Variants in BTBD9 observed in about 807,000 individuals in gnomAD.
BTBD9 encodes BTB/POZ domain-containing protein 9.
A neutral mutation model predicts 64.3 loss-of-function variants in BTBD9; 49 were observed. The observed-to-expected ratio is 0.76, with a 90% CI of 0.61 to 0.97. BTBD9 has a LOEUF of 0.97. Ranked by LOEUF, BTBD9 falls within the 50% of genes least tolerant of loss-of-function variation. The pLI, the probability that BTBD9 is intolerant of heterozygous loss-of-function variation, is 0.00. For missense variants in BTBD9, 598 were observed against 762.1 expected (o/e 0.78, Z 2.53); for synonymous variants, 260 against 274.7 (o/e 0.95, Z 0.53).
At chr6:38,335,844 C>T (rs1289595742) in intron 7 of BTBD9, among the ~76,000 whole-genome samples, 4 of 152,184 alleles carry the variant, frequency 2.6e-5, no homozygotes, top group Non-Finnish European at 5.9e-5. Context: ...AGCGATTCTC[C>T]TGCCTTAGCC....
intron 6 of BTBD9, among the ~76,000 whole-genome samples, chr6:38,513,668 G>T (rs895868585): frequency 6.6e-5 from 10 of 151,950 alleles, no homozygotes; most frequent in African/African-American, 2.4e-4. Flanking sequence ...ATCATTTATA[G>T]CTATTTTCAC....
At chr6:38,286,964 C>A (rs1761751957) in intron 8 of BTBD9, among the ~76,000 whole-genome samples, 1 of 150,744 alleles carries the variant, frequency 6.6e-6, no homozygotes, top group South Asian at 2.1e-4. Flanking sequence ...TGCCTATAAT[C>A]CCAGCTACTT....
chr6:38,315,794 G>T (rs1032288961), intron 7 of BTBD9, among the ~76,000 whole-genome samples: 3 of 152,166 alleles, frequency 2.0e-5, no homozygotes, highest in Non-Finnish European at 4.4e-5. Context: ...GCAGCTGTTG[G>T]ATGAAATGTT....
chr6:38,525,460 T>C (rs984569323), intron 6 of BTBD9, among the ~76,000 whole-genome samples: 1 of 152,188 alleles, frequency 6.6e-6, no homozygotes, highest in Non-Finnish European at 1.5e-5. Flanking sequence ...GGTAGTGGTG[T>C]ACTGCTATAA....
intron 9 of BTBD9, among the ~76,000 whole-genome samples, chr6:38,207,510 C>A (rs901097951): frequency 6.6e-6 from 1 of 152,114 alleles, no homozygotes; most frequent in Non-Finnish European, 1.5e-5. Context: ...GTAGTCTCAG[C>A]TACTTGGAAG....
intron 6 of BTBD9, 81 bp downstream of exon 6, chr6:38,577,519 T>C (rs1776099748): frequency 1.4e-6 from 2 of 1,389,412 alleles, no homozygotes; most frequent in Non-Finnish European, 2.0e-6. Context: ...TTTTTCAAGA[T>C]GAAAAATGCA....
At chr6:38,496,477 T>C (rs1771960279) in intron 6 of BTBD9, among the ~76,000 whole-genome samples, 1 of 150,252 alleles carries the variant, frequency 6.7e-6, no homozygotes, top group African/African-American at 2.5e-5. Context: ...ACTCTGTCAC[T>C]ACAAAAAAAA....
At chr6:38,477,854 T>C (rs1448063451) in intron 6 of BTBD9, among the ~76,000 whole-genome samples, 1 of 152,206 alleles carries the variant, frequency 6.6e-6, no homozygotes, top group Non-Finnish European at 1.5e-5. Flanking sequence ...ACACATCAAG[T>C]AAAGCCATCA....
At chr6:38,548,618 T>A (rs1774661758) in intron 6 of BTBD9, among the ~76,000 whole-genome samples, 1 of 152,168 alleles carries the variant, frequency 6.6e-6, no homozygotes, top group Non-Finnish European at 1.5e-5. Context: ...AACTCACGCA[T>A]TAATCTTTCC....
chr6:38,395,298 T>C (rs994741034), intron 6 of BTBD9, among the ~76,000 whole-genome samples: 9 of 152,088 alleles, frequency 5.9e-5, no homozygotes, highest in Non-Finnish European at 1.0e-4. Flanking sequence ...TAACAGGGCA[T>C]GTTGGTTTGC....
In BTBD9 at chr6:38,344,977, T is replaced by C. The variant is rs182295549; in HGVS notation, c.1264+7A>G. 4.0e-5 allele frequency: 61 copies of C among 1,534,878 alleles called. No individual in the cohort carries two copies. In the East Asian group the frequency reaches 1.3e-3, roughly 32 times the overall value. ...TATACATACAAAAATCTAATGGTAA[T>C]ACTTACCTATCAGCCCCTTCTCAAG... On this transcript the variant is annotated splice_region_variant and intron_variant, in intron 7 of 10. Transcript: ENST00000481247.
At chr6:38,428,899 C>T (rs1001102828) in intron 6 of BTBD9, among the ~76,000 whole-genome samples, 3 of 151,028 alleles carry the variant, frequency 2.0e-5, no homozygotes, top group African/African-American at 4.9e-5. Context: ...TTAGTAGAGA[C>T]GGGGTTTCAC....
intron 1 of BTBD9, among the ~76,000 whole-genome samples, chr6:38,628,444 C>G (rs188440450): frequency 3.5e-4 from 53 of 152,228 alleles, no homozygotes; most frequent in Admixed American, 3.5e-3. Flanking sequence ...CAATTTTGAA[C>G]CTACTTTCTG....
chr6:38,201,653 G>A (rs1762465615), intron 9 of BTBD9, among the ~76,000 whole-genome samples: 1 of 152,290 alleles, frequency 6.6e-6, no homozygotes, highest in Non-Finnish European at 1.5e-5. Context: ...ATGTCAAATT[G>A]TTCCTTTTTG....
intron 8 of BTBD9, among the ~76,000 whole-genome samples, chr6:38,259,254 A>T (rs1322003898): frequency 6.6e-6 from 1 of 152,242 alleles, no homozygotes; most frequent in Admixed American, 6.5e-5. Context: ...ATCACTCTAT[A>T]AAAGTAGCTT....
At chr6:38,416,327 C>T (rs1170558458) in intron 6 of BTBD9, among the ~76,000 whole-genome samples, 1 of 149,872 alleles carries the variant, frequency 6.7e-6, no homozygotes, top group Non-Finnish European at 1.5e-5. Flanking sequence ...GTCAGGTGTC[C>T]CCCTCTGTAC....
At chr6:38,529,359 C>G (rs565868845) in intron 6 of BTBD9, among the ~76,000 whole-genome samples, 123 of 152,318 alleles carry the variant, frequency 8.1e-4, no homozygotes, top group African/African-American at 2.8e-3. Flanking sequence ...CTCTATGAGT[C>G]TGCAAGACCC....
chr6:38,543,163 T>C (rs189223416), intron 6 of BTBD9, among the ~76,000 whole-genome samples: 4 of 152,308 alleles, frequency 2.6e-5, no homozygotes, highest in Non-Finnish European at 5.9e-5. Flanking sequence ...GATATCCACA[T>C]GGGTGACTCT....
At chr6:38,344,144 G>A (rs992299323) in intron 7 of BTBD9, among the ~76,000 whole-genome samples, 1 of 152,108 alleles carries the variant, frequency 6.6e-6, no homozygotes, top group Non-Finnish European at 1.5e-5. Context: ...GAATCAAGGA[G>A]CTAATTGATC....
Sources: allele counts gnomAD v4.1 joint callset (sites outside exome capture counted in the v4.1 genomes callset), GRCh38; gene constraint gnomAD v4.1.1; transcripts MANE v1.5; gene names NCBI Gene and HGNC (gene_info 2026-07-23, HGNC 2026-07-21).